Variants in ITIH5 observed in about 807,000 individuals in gnomAD.
ITIH5 encodes the protein inter-alpha-trypsin inhibitor heavy chain H5.
In ITIH5, 65 loss-of-function variants were observed where a neutral mutation model predicts 77.5. That is an observed-to-expected ratio of 0.84 (90% confidence interval 0.69 to 1.03). ITIH5 has a LOEUF of 1.03. Ranked by LOEUF, ITIH5 falls within the 50% of genes least tolerant of loss-of-function variation. The probability of loss-of-function intolerance (pLI) is 0.00; values close to 1 mark genes in which losing one functional copy is unlikely to be tolerated. For synonymous variants in ITIH5, 525 were observed against 494.3 expected (o/e 1.06, Z -0.82); for missense variants, 1,208 against 1,213.1 (o/e 1.00, Z 0.06).
chr10:7,644,380 CATAT>C (rs1278360434), intron 2 of ITIH5, among the ~76,000 whole-genome samples: 1 of 101,656 alleles, frequency 9.8e-6, no homozygotes, highest in African/African-American at 3.7e-5. Context: ...ATATATATCA[CATAT>C]ATCACATATA....
chr10:7,656,746 C>CTTTTTTTTTTTTTTTTTTTTTTTT, intron 1 of ITIH5, among the ~76,000 whole-genome samples: 1 of 112,856 alleles, frequency 8.9e-6, no homozygotes, highest in Non-Finnish European at 1.8e-5. Context: ...GTCTATTTTT[C>CTTTTTTTTTTTTTTTTTTTTTTTT]TTTTTTTTTT....
At chr10:7,577,311 C>T (rs1277789566) in intron 9 of ITIH5, among the ~76,000 whole-genome samples, 1 of 152,194 alleles carries the variant, frequency 6.6e-6, no homozygotes, top group Non-Finnish European at 1.5e-5. Flanking sequence ...AATTTCCACC[C>T]ACTGGTTTCA....
intron 8 of ITIH5, among the ~76,000 whole-genome samples, chr10:7,585,235 C>T (rs184746714): frequency 6.6e-5 from 10 of 152,284 alleles, no homozygotes; most frequent in East Asian, 5.8e-4. Context: ...AAGAGTAAGG[C>T]GCAGGTCCTG....
intron 12 of ITIH5, among the ~76,000 whole-genome samples, chr10:7,568,699 T>A (rs1358096966): frequency 6.6e-6 from 1 of 152,178 alleles, no homozygotes. Context: ...GGGTGCCCAC[T>A]CCAAAGCTTG....
At chr10:7,598,544 T>C (rs1832954290) in intron 7 of ITIH5, among the ~76,000 whole-genome samples, 2 of 152,326 alleles carry the variant, frequency 1.3e-5, no homozygotes, top group South Asian at 4.1e-4. Flanking sequence ...ACAGGGCTCC[T>C]ATATTTTAAA....
chr10:7,632,006 C>T (rs1407693787), intron 5 of ITIH5, among the ~76,000 whole-genome samples: 3 of 150,946 alleles, frequency 2.0e-5, no homozygotes, highest in Non-Finnish European at 2.9e-5. Flanking sequence ...ACCATGTTGG[C>T]CAGGCTGGTC....
chr10:7,616,642 C>A (rs1833372873), intron 6 of ITIH5, among the ~76,000 whole-genome samples: 1 of 151,938 alleles, frequency 6.6e-6, no homozygotes, highest in South Asian at 2.1e-4. Flanking sequence ...AGGCTGACCA[C>A]CATGGCAAAA....
chr10:7,605,221 G>A (rs1006755244), intron 7 of ITIH5, among the ~76,000 whole-genome samples: 1 of 151,312 alleles, frequency 6.6e-6, no homozygotes, highest in African/African-American at 2.4e-5. Flanking sequence ...TCCACGCTTT[G>A]CACATGTCAC....
Position 7,569,651 on chromosome 10 carries a change from C to T in ITIH5, c.2149+17G>A, listed in dbSNP as rs41290273. 2.0e-3 allele frequency: 3,108 copies of T among 1,530,642 alleles called. 8 individuals are homozygous for T. The highest frequency in any genetic ancestry group is 2.5e-3 in the Non-Finnish European group (2,778 of 1,120,394). 94.8% of individuals were successfully genotyped at this position (1,530,642 alleles called of 1,614,324 possible). A position where few individuals can be genotyped will look rare whatever the true frequency, so the allele number is the denominator to read the frequency against. On this transcript the variant is annotated intron_variant, in intron 12 of 13. Transcript: ENST00000397146. ...CCTGGTCCTTGCCCAGATGCTGCAG[C>T]GGAAGGTAGAACTTACCAGAGTCCC...
chr10:7,588,112 G>A (rs1003920865), intron 7 of ITIH5, among the ~76,000 whole-genome samples: 12 of 152,318 alleles, frequency 7.9e-5, no homozygotes, highest in East Asian at 1.9e-4. Flanking sequence ...GGCCAGGTGC[G>A]GTGGCTCATG....
At chr10:7,641,851 C>T in intron 3 of ITIH5, 76 bp downstream of exon 3, 1 of 1,211,024 alleles carries the variant, frequency 8.3e-7, no homozygotes, top group Non-Finnish European at 1.2e-6. Flanking sequence ...AGTCACAAGG[C>T]TGTGGACCTC....
intron 2 of ITIH5, among the ~76,000 whole-genome samples, chr10:7,649,302 T>C (rs566504183): frequency 2.2e-3 from 333 of 152,194 alleles, no homozygotes; most frequent in African/African-American, 7.5e-3. Flanking sequence ...TTCCTTCTTC[T>C]TCTTTCCCTT....
At chr10:7,599,907 C>T (rs1185047006) in intron 7 of ITIH5, among the ~76,000 whole-genome samples, 1 of 152,094 alleles carries the variant, frequency 6.6e-6, no homozygotes, top group African/African-American at 2.4e-5. Context: ...GTTAAGGTCG[C>T]CAATGAGACT....
chr10:7,662,453 T>C (rs1436544241), intron 1 of ITIH5, among the ~76,000 whole-genome samples: 8 of 152,074 alleles, frequency 5.3e-5, no homozygotes, highest in Admixed American at 1.3e-4. Flanking sequence ...AGAACCCTCC[T>C]CCTAAAAAAA....
At chr10:7,615,453 T>C (rs557917384) in intron 7 of ITIH5, among the ~76,000 whole-genome samples, 21 of 152,312 alleles carry the variant, frequency 1.4e-4, no homozygotes, top group African/African-American at 4.6e-4. Flanking sequence ...TCCAGTGGTT[T>C]GTAAGAAAAG....
At chr10:7,653,566 A>G (rs188491356) in intron 2 of ITIH5, among the ~76,000 whole-genome samples, 1 of 152,320 alleles carries the variant, frequency 6.6e-6, no homozygotes, top group East Asian at 1.9e-4. Context: ...ATACCCACAT[A>G]AAAGAAGAAA....
At chr10:7,633,802 C>T (rs1325600557) in intron 5 of ITIH5, among the ~76,000 whole-genome samples, 5 of 151,996 alleles carry the variant, frequency 3.3e-5, no homozygotes, top group African/African-American at 7.2e-5. Context: ...AAAATGGGTC[C>T]GTGGTGGCCG....
At chr10:7,647,770 G>A (rs540390137) in intron 2 of ITIH5, among the ~76,000 whole-genome samples, 4 of 152,056 alleles carry the variant, frequency 2.6e-5, no homozygotes, top group African/African-American at 7.2e-5. Flanking sequence ...AATTTTTTTG[G>A]AAGAAGTTAA....
In ITIH5 at chr10:7,666,808, C is replaced by G; in HGVS notation, c.85G>C (p.Glu29Gln). 6.2e-7 allele frequency: 1 copy of G among 1,607,136 alleles called. No individual in the cohort carries two copies. The highest frequency in any genetic ancestry group is 8.5e-7 in the Non-Finnish European group (1 of 1,177,394). Residue 29 changes from glutamate to glutamine, a missense_variant, in exon 1 of 14, where the codon GAG (glutamate) becomes CAG (glutamine). Glu to Gln is a conservative substitution (Grantham distance 29, BLOSUM62 2). Transcript: ENST00000397146. ...CTCCCCTCGGCTCCACTTACCTGCT[C>G]CGAAGAGTGGCCCCAGCTCTGCGCC... ...EEAQSWGHSSEQDGLRVPRQV... is the reference protein window; with the variant it reads ...EEAQSWGHSSQQDGLRVPRQV...
Sources: allele counts gnomAD v4.1 joint callset (sites outside exome capture counted in the v4.1 genomes callset), GRCh38; gene constraint gnomAD v4.1.1; transcripts MANE v1.5; gene names NCBI Gene and HGNC (gene_info 2026-07-23, HGNC 2026-07-21).